The following ANO10 variants were observed in gnomAD, a reference collection of about 807,000 sequenced individuals.
ANO10 encodes the protein anoctamin-10.
Under a neutral mutation model 74.7 loss-of-function variants are expected in ANO10, and 77 were observed. That is an observed-to-expected ratio of 1.03 (90% CI 0.86 to 1.25). The LOEUF (loss-of-function observed/expected upper bound fraction) is 1.25, where lower values mean the gene tolerates loss of function less well. Among genes scored for constraint, ANO10 ranks in the 50% most tolerant of loss-of-function variants. The pLI is 0.00. For synonymous variants in ANO10, 279 were observed against 284.9 expected (o/e 0.98, Z 0.21); for missense variants, 721 against 778.1 (o/e 0.93, Z 0.87).
At chr3:43,688,163 CTTTCT>C (rs2084298682) in intron 1 of ANO10, among the ~76,000 whole-genome samples, 1 of 151,894 alleles carries the variant, frequency 6.6e-6, no homozygotes, top group Non-Finnish European at 1.5e-5. Context: ...CTCTTTTTTT[CTTTCT>C]TTTCTTTTTT....
intron 4 of ANO10, among the ~76,000 whole-genome samples, chr3:43,581,781 C>T (rs1000394457): frequency 7.9e-5 from 7 of 89,168 alleles, no homozygotes; most frequent in East Asian, 9.8e-4. Context: ...ATTAGCTGAG[C>T]GTGGTGGTGA....
intron 1 of ANO10, chr3:43,690,741 G>C (rs569561114): frequency 2.3e-6 from 1 of 426,428 alleles, no homozygotes; most frequent in Admixed American, 4.5e-5. Flanking sequence ...TGGGCTGACT[G>C]TCCCGCCCCG....
At chr3:43,582,895 T>C (rs2081324374) in intron 4 of ANO10, among the ~76,000 whole-genome samples, 1 of 152,260 alleles carries the variant, frequency 6.6e-6, no homozygotes, top group Non-Finnish European at 1.5e-5. Context: ...TGATCACACA[T>C]GACTGTTCTG....
At chr3:43,380,128 C>G (rs937007024) in intron 12 of ANO10, among the ~76,000 whole-genome samples, 1 of 151,980 alleles carries the variant, frequency 6.6e-6, no homozygotes, top group Non-Finnish European at 1.5e-5. Context: ...TTAACCCCAT[C>G]TGACAAAGAA....
At chr3:43,456,118 AC>A (rs1161516537) in intron 11 of ANO10, among the ~76,000 whole-genome samples, 1 of 152,190 alleles carries the variant, frequency 6.6e-6, no homozygotes, top group Non-Finnish European at 1.5e-5. Flanking sequence ...CACCCTGGGA[AC>A]CTGGGCTCAG....
intron 1 of ANO10, among the ~76,000 whole-genome samples, chr3:43,686,317 ACT>A: frequency 6.6e-6 from 1 of 152,172 alleles, no homozygotes; most frequent in East Asian, 1.9e-4. Flanking sequence ...ACAGGGTCTC[ACT>A]CTGTCATCCA....
At chr3:43,537,652 C>CAT (rs2078775138) in intron 11 of ANO10, among the ~76,000 whole-genome samples, 3 of 148,260 alleles carry the variant, frequency 2.0e-5, no homozygotes, top group African/African-American at 7.4e-5. Context: ...CACACACACA[C>CAT]GTAACTAATA....
intron 1 of ANO10, among the ~76,000 whole-genome samples, chr3:43,638,510 G>T (rs1450728320): frequency 6.6e-6 from 1 of 152,144 alleles, no homozygotes; most frequent in Non-Finnish European, 1.5e-5. Flanking sequence ...GGGATATTGT[G>T]ACAAATCTTT....
At chr3:43,410,256 T>C (rs2092643782) in intron 12 of ANO10, among the ~76,000 whole-genome samples, 1 of 152,112 alleles carries the variant, frequency 6.6e-6, no homozygotes, top group South Asian at 2.1e-4. Flanking sequence ...TTATTTATTT[T>C]ATTTATTTTT....
At chr3:43,533,914 T>C (rs1323622888) in intron 11 of ANO10, among the ~76,000 whole-genome samples, 1 of 152,228 alleles carries the variant, frequency 6.6e-6, no homozygotes, top group African/African-American at 2.4e-5. Flanking sequence ...AACAACTAAG[T>C]GTAAAACAAA....
chr3:43,383,396 G>T (rs2092025613), intron 12 of ANO10, among the ~76,000 whole-genome samples: 1 of 149,696 alleles, frequency 6.7e-6, no homozygotes, highest in South Asian at 2.1e-4. Flanking sequence ...AGAGCTTGCA[G>T]TGAGCCGAGA....
chr3:43,385,527 G>A (rs1442027045), intron 12 of ANO10, among the ~76,000 whole-genome samples: 1 of 152,148 alleles, frequency 6.6e-6, no homozygotes, highest in Non-Finnish European at 1.5e-5. Flanking sequence ...ATCAACCAAC[G>A]AGTGGATAAA....
intron 11 of ANO10, among the ~76,000 whole-genome samples, chr3:43,459,292 A>AG (rs2075278261): frequency 6.6e-6 from 1 of 152,142 alleles, no homozygotes; most frequent in African/African-American, 2.4e-5. Flanking sequence ...GAAAAGGACC[A>AG]GTCAGTGCTC....
chr3:43,461,755 A>T (rs1448516608), intron 11 of ANO10, among the ~76,000 whole-genome samples: 1 of 152,174 alleles, frequency 6.6e-6, no homozygotes, highest in African/African-American at 2.4e-5. Flanking sequence ...TAAATTGCTC[A>T]ATCTCGGGTA....
intron 12 of ANO10, among the ~76,000 whole-genome samples, chr3:43,417,307 A>G (rs978555387): frequency 6.6e-6 from 1 of 152,186 alleles, no homozygotes; most frequent in African/African-American, 2.4e-5. Flanking sequence ...AGAAGGAGAC[A>G]AGATGGCGCT....
At chr3:43,415,464 CA>C (rs763434064) in intron 12 of ANO10, among the ~76,000 whole-genome samples, 3 of 152,092 alleles carry the variant, frequency 2.0e-5, no homozygotes, top group African/African-American at 4.8e-5. Context: ...CTCAGCAAAC[CA>C]AAATGCTTCA....
intron 1 of ANO10, among the ~76,000 whole-genome samples, chr3:43,641,665 G>A (rs1293592332): frequency 1.3e-5 from 2 of 152,190 alleles, no homozygotes; most frequent in Non-Finnish European, 2.9e-5. Context: ...GAATTGAAAG[G>A]ATTTAAGTCA....
intron 12 of ANO10, among the ~76,000 whole-genome samples, chr3:43,388,060 T>C (rs1013804958): frequency 2.0e-5 from 3 of 152,164 alleles, no homozygotes; most frequent in Non-Finnish European, 4.4e-5. Flanking sequence ...CTGTGAAAAG[T>C]AAATTACTTT....
At chr3:43,435,910 T>C (rs959638384) in intron 11 of ANO10, among the ~76,000 whole-genome samples, 4 of 152,106 alleles carry the variant, frequency 2.6e-5, no homozygotes, top group African/African-American at 9.7e-5. Flanking sequence ...ACAGCAGAGA[T>C]AGAATCAGCT....
Sources: gnomAD v4.1 joint callset for allele counts (sites outside exome capture counted in the v4.1 genomes callset) on GRCh38, gnomAD v4.1.1 for gene constraint, MANE v1.5 for transcripts, NCBI Gene and HGNC (gene_info 2026-07-23, HGNC 2026-07-21) for gene names.